The following LGSN variants were observed in gnomAD, a reference collection of about 807,000 sequenced individuals.
The protein encoded by LGSN is lengsin, lens protein with glutamine synthetase domain.
LGSN carries 21 observed loss-of-function variants against 19.5 expected under a neutral mutation model. The observed-to-expected ratio is 1.07, with a 90% CI of 0.76 to 1.55. The LOEUF (loss-of-function observed/expected upper bound fraction) is 1.55, where lower values mean the gene tolerates loss of function less well. LGSN is among the 40% of genes most tolerant of loss of function. The probability of loss-of-function intolerance (pLI) is 0.00; values close to 1 mark genes in which losing one functional copy is unlikely to be tolerated. For synonymous variants in LGSN, 257 were observed against 215.6 expected, an observed-to-expected ratio of 1.19 and a Z score of -1.68; for missense variants, 673 against 608.5, an observed-to-expected ratio of 1.11 and a Z score of -1.12.
chr6:63,507,360 A>T, the LGSN span, among the ~76,000 whole-genome samples: 6 of 152,242 alleles, frequency 3.9e-5, no homozygotes, highest in Non-Finnish European at 5.9e-5. Context: ...CTACAGAGAC[A>T]GATGACCTGA....
At chr6:63,355,181 T>C in the LGSN span, among the ~76,000 whole-genome samples, 3 of 152,206 alleles carry the variant, frequency 2.0e-5, no homozygotes, top group South Asian at 6.2e-4. Flanking sequence ...CCTGACTTGA[T>C]GGTTACACAT....
At chr6:63,493,163 G>T in the LGSN span, among the ~76,000 whole-genome samples, 1 of 152,246 alleles carries the variant, frequency 6.6e-6, no homozygotes, top group South Asian at 2.1e-4. Context: ...GCTTTGGTTA[G>T]CTGCTTCAAC....
At chr6:63,355,255 T>TAA in the LGSN span, among the ~76,000 whole-genome samples, 1 of 151,362 alleles carries the variant, frequency 6.6e-6, no homozygotes, top group African/African-American at 2.4e-5. Flanking sequence ...TGTATCAATT[T>TAA]AAAAAAAAAT....
the LGSN span, among the ~76,000 whole-genome samples, chr6:63,336,350 T>G: frequency 1.3e-5 from 2 of 152,128 alleles, no homozygotes; most frequent in Non-Finnish European, 2.9e-5. Context: ...ACATGTAGCC[T>G]ATAAATATGT....
the LGSN span, among the ~76,000 whole-genome samples, chr6:63,338,962 T>G: frequency 6.6e-6 from 1 of 152,210 alleles, no homozygotes. Flanking sequence ...AATTTCCATA[T>G]ATTTGAAAAC....
the LGSN span, among the ~76,000 whole-genome samples, chr6:63,359,403 G>C: frequency 1.3e-5 from 2 of 152,166 alleles, no homozygotes; most frequent in Non-Finnish European, 2.9e-5. Context: ...GTTTCAGAAG[G>C]AATGGTACCA....
At chr6:63,398,929 C>T in the LGSN span, among the ~76,000 whole-genome samples, 4 of 152,006 alleles carry the variant, frequency 2.6e-5, no homozygotes, top group Admixed American at 1.3e-4. Context: ...TTCAGCCTCC[C>T]AAGTAGATGA....
chr6:63,436,039 A>G, the LGSN span, among the ~76,000 whole-genome samples: 1 of 151,898 alleles, frequency 6.6e-6, no homozygotes, highest in South Asian at 2.1e-4. Context: ...TGACTGGAAC[A>G]TTTTCCTCCA....
chr6:63,502,652 T>G, the LGSN span, among the ~76,000 whole-genome samples: 3 of 152,242 alleles, frequency 2.0e-5, no homozygotes, highest in Non-Finnish European at 2.9e-5. Flanking sequence ...CAAGATACTC[T>G]TCCCACATAA....
the LGSN span, among the ~76,000 whole-genome samples, chr6:63,496,829 A>G: frequency 3.9e-5 from 6 of 151,944 alleles, no homozygotes; most frequent in African/African-American, 1.5e-4. Context: ...AAATAGATAA[A>G]TAATTTAACA....
chr6:63,532,833 GA>G, the LGSN span, among the ~76,000 whole-genome samples: 1,820 of 150,166 alleles, frequency 0.012, 25 homozygotes, highest in South Asian at 0.029. Flanking sequence ...ATATCGTCTG[GA>G]AAAAAAAATA....
the LGSN span, among the ~76,000 whole-genome samples, chr6:63,389,455 C>T: frequency 2.0e-5 from 3 of 152,124 alleles, no homozygotes; most frequent in Non-Finnish European, 2.9e-5. Flanking sequence ...ACAATCCCAC[C>T]GTCTTCTTCT....
the LGSN span, among the ~76,000 whole-genome samples, chr6:63,445,933 C>T: frequency 2.0e-5 from 3 of 152,198 alleles, no homozygotes; most frequent in East Asian, 5.8e-4. Context: ...CAAGTAAAAG[C>T]ATCTTGACAA....
chr6:63,402,578 T>C, the LGSN span, among the ~76,000 whole-genome samples: 1 of 152,186 alleles, frequency 6.6e-6, no homozygotes, highest in African/African-American at 2.4e-5. Context: ...TTGGAGTAGA[T>C]CCTGCCTGGT....
chr6:63,351,034 G>C, the LGSN span, among the ~76,000 whole-genome samples: 1 of 152,052 alleles, frequency 6.6e-6, no homozygotes, highest in Non-Finnish European at 1.5e-5. Flanking sequence ...AACCCCCAAG[G>C]TTAACATAAG....
At chr6:63,374,546 T>C in the LGSN span, among the ~76,000 whole-genome samples, 10 of 152,214 alleles carry the variant, frequency 6.6e-5, no homozygotes, top group African/African-American at 1.4e-4. Flanking sequence ...TTAGTTGGAA[T>C]AGACACATTT....
the LGSN span, among the ~76,000 whole-genome samples, chr6:63,470,225 TG>T: frequency 6.6e-6 from 1 of 151,838 alleles, no homozygotes; most frequent in African/African-American, 2.4e-5. Flanking sequence ...CCCAGCATTT[TG>T]GAAGGCCAAG....
chr6:63,546,990 TA>T, the LGSN span, among the ~76,000 whole-genome samples: 7 of 152,204 alleles, frequency 4.6e-5, no homozygotes, highest in African/African-American at 1.4e-4. Flanking sequence ...ATAAAGTTGA[TA>T]AAACATTCTT....
the LGSN span, among the ~76,000 whole-genome samples, chr6:63,336,657 G>T: frequency 6.7e-6 from 1 of 148,498 alleles, no homozygotes; most frequent in South Asian, 2.1e-4. Context: ...ATGGACTCTC[G>T]TTCTGTCACC....
Sources: gnomAD v4.1 joint callset for allele counts (sites outside exome capture counted in the v4.1 genomes callset) on GRCh38, gnomAD v4.1.1 for gene constraint, MANE v1.5 for transcripts, NCBI Gene and HGNC (gene_info 2026-07-23, HGNC 2026-07-21) for gene names.